Variants in IQSEC3 observed in about 807,000 individuals in gnomAD.
The protein encoded by IQSEC3 is IQ motif and SEC7 domain-containing protein 3.
Under a neutral mutation model 105.4 loss-of-function variants are expected in IQSEC3, and 50 were observed. That is an observed-to-expected ratio of 0.47 (90% CI 0.38 to 0.60). IQSEC3 has a LOEUF of 0.60. Ranked by LOEUF, IQSEC3 falls within the 20% of genes least tolerant of loss-of-function variation. IQSEC3 has a pLI of 0.00. For synonymous variants in IQSEC3, 708 were observed against 746.0 expected (o/e 0.95, Z 0.83); for missense variants, 1,415 against 1,630.0 (o/e 0.87, Z 2.27).
At chr12:132,199 G>A (rs1175087710) in intron 3 of IQSEC3, among the ~76,000 whole-genome samples, 1 of 152,162 alleles carries the variant, frequency 6.6e-6, no homozygotes, top group Non-Finnish European at 1.5e-5. Context: ...AGGGGAGGCT[G>A]GGAGTTGAGG....
chr12:177,165 A>G lies in IQSEC3; in HGVS notation c.*2132A>G, dbSNP rs216232. On this transcript the variant is annotated 3_prime_UTR_variant, in exon 14 of 14. Transcript: ENST00000538872. The surrounding 1 kb of genome is among the most constrained non-coding windows in gnomAD (Gnocchi z 5.3). ...GTCCCCTGCTCACACAGCTCTTCAA[A>G]CTTACCAAGGACAGGCAGGACCCCG... 0.23 allele frequency: 26,709 copies of G among 116,524 alleles called. 4,394 individuals are homozygous for G. Among genetic ancestry groups the G allele is most frequent in the East Asian group, 0.31 (1,137 of 3,700 alleles). 7.2% of individuals were successfully genotyped at this position (116,524 alleles called of 1,614,324 possible). A position where few individuals can be genotyped will look rare whatever the true frequency, so the allele number is the denominator to read the frequency against.
At chr12:147,073 T>C (rs1311703811) in intron 5 of IQSEC3, among the ~76,000 whole-genome samples, 1 of 152,166 alleles carries the variant, frequency 6.6e-6, no homozygotes, top group African/African-American at 2.4e-5. Context: ...AATTGGACTT[T>C]TATATAAAAA....
chr12:108,347 T>C lies in IQSEC3; in HGVS notation c.623+9133T>C, dbSNP rs1025408708. On this transcript the variant is annotated intron_variant, in intron 2 of 13. Transcript: ENST00000538872. The stretch of plus-strand genomic sequence containing the variant: ...TATACAGTGCCTTCTTGGCCTTATA[T>C]GAGCTTCAGGGCTTGGTTAAGAGCA... 3.3e-5 allele frequency among the ~76,000 whole-genome samples: 5 copies of C among 152,264 alleles called. No homozygotes were observed. In the East Asian group the frequency reaches 9.6e-4, roughly 29 times the overall value.
At chr12:161,896 C>T (rs1866908695) in intron 7 of IQSEC3, 30 bp from the exon 8 acceptor site, 4 of 1,551,736 alleles carry the variant, frequency 2.6e-6, no homozygotes, top group Non-Finnish European at 3.5e-6. Flanking sequence ...CCCAACCCCA[C>T]CACCACCCCT....
At chr12:106,844 G>A (rs953598377) in intron 2 of IQSEC3, 30 of 152,024 alleles carry the variant, frequency 2.0e-4, no homozygotes, top group Admixed American at 3.3e-4. Context: ...CTTATCTTCT[G>A]ACCAATAACA....
chr12:174,727 G>T lies in IQSEC3; in HGVS notation c.3243G>T (p.Pro1081=), dbSNP rs550036476. ...GACAGCAGACCCCACCACTGCCGCC[G>T]CCGCCACCCACGCCCCCGGGCACCC... ...PPRQQTPPLP[P]PPPTPPGTLV... The change falls in exon 14 of 14, where the codon CCG becomes CCT. Residue 1081 remains proline, a synonymous_variant. Coordinates refer to ENST00000538872, the MANE Select transcript of IQSEC3 (RefSeq NM_001170738.2). 6.3e-7 allele frequency: 1 copy of T among 1,591,090 alleles called. No homozygotes were observed. Among genetic ancestry groups the T allele is most frequent in the Non-Finnish European group, 8.5e-7 (1 of 1,177,274 alleles).
At chr12:91,782 A>G (rs1371812402) in intron 1 of IQSEC3, among the ~76,000 whole-genome samples, 2 of 151,442 alleles carry the variant, frequency 1.3e-5, no homozygotes, top group African/African-American at 4.9e-5. Context: ...CCCTGTCTCA[A>G]AAAAAAGAAA....
At chr12:174,484 T>A in intron 13 of IQSEC3, 115 bp from the exon 14 acceptor site, 1 of 951,504 alleles carries the variant, frequency 1.1e-6, no homozygotes, top group Non-Finnish European at 1.5e-6. Flanking sequence ...GGCGAGAGGG[T>A]CAGAGTGAGG....
rs73603133 is a variant in IQSEC3 at position 147,498 on chromosome 12, A to G, written c.2153+6213A>G. On this transcript the variant is annotated intron_variant, in intron 5 of 13. Coordinates refer to ENST00000538872, the MANE Select transcript of IQSEC3 (RefSeq NM_001170738.2). ...TGGCTGAGGTCTGAAGCCAGGCACA[A>G]TGACTCATCACCTGAGCCCTTAACC... Among the ~76,000 whole-genome samples, 1,072 of 152,250 alleles carry G rather than the reference A, an allele frequency of 7.0e-3. 9 individuals are homozygous for G. The highest frequency in any genetic ancestry group is 0.025 in the African/African-American group (1,037 of 41,550).
intron 3 of IQSEC3, among the ~76,000 whole-genome samples, chr12:135,342 G>A (rs1327059817): frequency 1.3e-5 from 2 of 152,200 alleles, no homozygotes; most frequent in Non-Finnish European, 2.9e-5. Context: ...GGGAGAATGA[G>A]CCAAGCTACA....
Position 141,223 on chromosome 12 carries a change from C to A in IQSEC3, c.2091C>A (p.Ser697Arg), listed in dbSNP as rs1555089129. ...TCCTCCTCCAGCGAAAGGGCCTCAG[C>A]CGCCAGATGATTGGAGAGTTCCTGG... ...AHFLLQRKGL[S>R]RQMIGEFLGN... The change falls in exon 5 of 14, where the codon AGC (serine) becomes AGA (arginine). Residue 697 changes from serine (S) to arginine (R), a missense_variant. By Grantham distance (110) the Ser-to-Arg change is moderately radical. Coordinates refer to ENST00000538872, the MANE Select transcript of IQSEC3 (RefSeq NM_001170738.2). 6.2e-7 allele frequency: 1 copy of A among 1,614,044 alleles called. No homozygotes were observed. The highest frequency in any genetic ancestry group is 1.1e-5 in the South Asian group (1 of 91,066).
chr12:127,154 C>G (rs550811718), intron 3 of IQSEC3, among the ~76,000 whole-genome samples: 6 of 152,230 alleles, frequency 3.9e-5, no homozygotes, highest in South Asian at 2.1e-4. Context: ...GTTACATTCA[C>G]CTGGCTTTCT....
At chr12:145,390 C>T (rs138634942) in intron 5 of IQSEC3, among the ~76,000 whole-genome samples, 60 of 152,324 alleles carry the variant, frequency 3.9e-4, no homozygotes, top group Non-Finnish European at 6.9e-4. Flanking sequence ...CCTCCTACCT[C>T]GGCCTCCTGA....
At position 91,998 on chromosome 12, in the gene IQSEC3, T is replaced by TGCCCA. The variant is rs576643843; in HGVS notation, c.555-7139_555-7135dup. Among the ~76,000 whole-genome samples the TGCCCA allele has an allele frequency of 2.2e-4, 33 of 152,214 alleles. No individual in the cohort carries two copies. The South Asian group carries it at 6.7e-3, about 31-fold the overall frequency. On this transcript the variant is annotated intron_variant, in intron 1 of 13. Transcript: ENST00000538872. ...TCTCATTCTGAGTGCGGCAAGCTCC[T>TGCCCA]GCCCAGCCCAGCCTCACAGCACGAC...
At chr12:124,134 C>T (rs1446157592) in intron 2 of IQSEC3, among the ~76,000 whole-genome samples, 9 of 152,184 alleles carry the variant, frequency 5.9e-5, no homozygotes, top group African/African-American at 1.7e-4. Flanking sequence ...CACCTGTAAT[C>T]CTAGCGCTTT....
intron 1 of IQSEC3, among the ~76,000 whole-genome samples, chr12:72,627 T>A (rs368224422): frequency 8.5e-6 from 1 of 117,692 alleles, no homozygotes; most frequent in African/African-American, 2.7e-5. Context: ...TGTAGCAACT[T>A]GCTCCTCTGC....
At chr12:102,167 C>G (rs1428627040) in intron 2 of IQSEC3, among the ~76,000 whole-genome samples, 1 of 147,978 alleles carries the variant, frequency 6.8e-6, no homozygotes, top group African/African-American at 2.5e-5. Flanking sequence ...GGCTCCTCCC[C>G]GTCAGTCTGG....
Position 174,952 on chromosome 12 carries a change from C to T in IQSEC3, c.3468C>T (p.Tyr1156=), listed in dbSNP as rs764217255. 12 of 1,459,430 alleles carry T rather than the reference C, an allele frequency of 8.2e-6. No individual in the cohort carries two copies. The highest frequency in any genetic ancestry group is 1.4e-5 in the African/African-American group (1 of 70,484). The allele number at this position is 1,459,430 out of a possible 1,614,324, so 90.4% of individuals were successfully genotyped here. The change falls in exon 14 of 14, where the codon TAC becomes TAT. Residue 1156 remains tyrosine (Y), a synonymous_variant. Coordinates refer to ENST00000538872, the MANE Select transcript of IQSEC3 (RefSeq NM_001170738.2). ...QPPLPPPPPP[Y]NHPHQFCPPG... is the part of the protein sequence containing the mutation. ...CGCTGCCCCCGCCCCCACCCCCCTA[C>T]AACCACCCTCACCAGTTCTGTCCCC...
chr12:160,636 T>C (rs1219700058), intron 7 of IQSEC3, among the ~76,000 whole-genome samples: 2 of 152,134 alleles, frequency 1.3e-5, no homozygotes, highest in Admixed American at 6.5e-5. Context: ...GAGGAGGGGA[T>C]AGGGAAGCCC....
Sources: allele counts gnomAD v4.1 joint callset (sites outside exome capture counted in the v4.1 genomes callset), GRCh38; gene constraint gnomAD v4.1.1; non-coding constraint Gnocchi (gnomAD v3.1); transcripts MANE v1.5; gene names NCBI Gene and HGNC (gene_info 2026-07-23, HGNC 2026-07-21).